NCOR2: variants seen among roughly 807,000 people sequenced by gnomAD.
NCOR2 encodes the protein CTG repeat protein 26.
In NCOR2, 81 loss-of-function variants were observed where a neutral mutation model predicts 262.9. The ratio of observed to expected loss-of-function variants is 0.31; its 90% CI spans 0.26 to 0.37. The LOEUF (loss-of-function observed/expected upper bound fraction) is 0.37. NCOR2 is among the 10% of genes least tolerant of loss of function. The pLI is 1.00. For synonymous variants in NCOR2, 1,659 were observed against 1,559.3 expected (o/e 1.06, Z -1.51); for missense variants, 3,385 against 3,621.4 (o/e 0.93, Z 1.68).
chr12:124,372,588 G>A (rs749066355), exon 20 of NCOR2: 1 of 1,598,294 alleles, frequency 6.3e-7, no homozygotes. Context: ...TGCTCTCGGT[G>A]TCTGAGCTGT....
intron 1 of NCOR2, among the ~76,000 whole-genome samples, chr12:124,552,435 G>C (rs972843746): frequency 2.0e-5 from 3 of 152,144 alleles, no homozygotes; most frequent in Non-Finnish European, 4.4e-5. Context: ...CCGTTTGCAG[G>C]TTTCTCTCTT....
intron 33 of NCOR2, 53 bp downstream of exon 35, chr12:124,342,951 TC>T: frequency 6.3e-7 from 1 of 1,579,774 alleles, no homozygotes; most frequent in South Asian, 1.1e-5. Context: ...ACTGATGAGG[TC>T]CGTGGCCCTG....
chr12:124,498,646 A>C (rs916691096), upstream of NCOR2, among the ~76,000 whole-genome samples: 3 of 152,202 alleles, frequency 2.0e-5, no homozygotes, highest in Admixed American at 2.0e-4. Context: ...TAACCATATG[A>C]CCCACCAATT....
chr12:124,359,018 A>T (rs1280584827), intron 22 of NCOR2, among the ~76,000 whole-genome samples: 1 of 152,238 alleles, frequency 6.6e-6, no homozygotes, highest in Admixed American at 6.5e-5. Flanking sequence ...CCAGACTGCT[A>T]TGCCACATGG....
rs1339676261 is a variant in NCOR2, at chr12:124,481,329, G to C, written c.411+2267C>G. Among the ~76,000 whole-genome samples, 1 of 152,088 alleles carries C rather than the reference G, an allele frequency of 6.6e-6. No homozygotes were observed. Among genetic ancestry groups the C allele is most frequent in the African/African-American group, 2.4e-5 (1 of 41,400 alleles). The stretch of plus-strand genomic sequence containing the variant: ...GTCCCAAGCCCAGACCCAAGTGCAG[G>C]CGGCCCAAGCCCCAGGCCACAGAGA... On this transcript the variant is annotated intron_variant, in intron 3 of 46. Coordinates refer to ENST00000405201, the Ensembl canonical transcript of NCOR2. The surrounding 1 kb of genome is among the most constrained non-coding windows in gnomAD (Gnocchi z 4.6).
chr12:124,371,904 C>T lies in NCOR2; in HGVS notation c.2807+118G>A, dbSNP rs886968756. 7.6e-6 allele frequency: 8 copies of T among 1,057,324 alleles called. No homozygotes were observed. The Admixed American group carries it at 8.9e-5, about 12-fold the overall frequency. The allele number at this position is 1,057,324 out of a possible 1,614,324, so 65.5% of individuals were successfully genotyped here. On this transcript the variant is annotated intron_variant, in intron 20 of 46. Transcript: ENST00000405201. ...TACTCCAAGTCTGCCTCCCTAACCA[C>T]ACCTCGGGCTCCCCCAAAGCAGGCA... is the stretch of plus-strand genomic sequence containing the variant.
chr12:124,414,041 C>T (rs1482490519), intron 13 of NCOR2, among the ~76,000 whole-genome samples: 1 of 152,192 alleles, frequency 6.6e-6, no homozygotes, highest in East Asian at 1.9e-4. Flanking sequence ...GACATGGAGC[C>T]TCATCATGAG....
At chr12:124,364,433 G>C (rs2038858841) in intron 20 of NCOR2, among the ~76,000 whole-genome samples, 2 of 152,246 alleles carry the variant, frequency 1.3e-5, no homozygotes, top group Non-Finnish European at 1.5e-5. Flanking sequence ...CGAAGGACGA[G>C]GACATGATAA....
intron 7 of NCOR2, among the ~76,000 whole-genome samples, chr12:124,439,250 G>GAT (rs2044645946): frequency 6.6e-6 from 1 of 150,936 alleles, no homozygotes; most frequent in African/African-American, 2.4e-5. Context: ...CAGAGACCCA[G>GAT]AGAGAGAGAG....
chr12:124,370,054 ACT>A (rs1331487891), intron 20 of NCOR2, among the ~76,000 whole-genome samples: 1 of 152,016 alleles, frequency 6.6e-6, no homozygotes, highest in Non-Finnish European at 1.5e-5. Flanking sequence ...TGTTTCTATG[ACT>A]CTGTCCCCAC....
At chr12:124,325,232 G>T in exon 47 of NCOR2, 2 of 437,058 alleles carry the variant, frequency 4.6e-6, no homozygotes. Flanking sequence ...CTTAGTTAAG[G>T]CTTTAGACAG....
intron 1 of NCOR2, among the ~76,000 whole-genome samples, chr12:124,520,776 G>A (rs565200919): frequency 1.6e-4 from 24 of 152,178 alleles, no homozygotes; most frequent in African/African-American, 4.3e-4. Context: ...GCAAGCCTTC[G>A]ACGGCGACCA....
chr12:124,400,537 C>T (rs1261620947), exon 15 of NCOR2: 8 of 1,614,182 alleles, frequency 5.0e-6, no homozygotes, highest in Non-Finnish European at 6.8e-6. Flanking sequence ...ATGGCCTCCT[C>T]GCTGTTGGCC....
intron 1 of NCOR2, among the ~76,000 whole-genome samples, chr12:124,522,448 T>C (rs1298969582): frequency 6.6e-6 from 1 of 152,146 alleles, no homozygotes. Context: ...TGTCTTCCAG[T>C]TCCCAGTGGC....
At chr12:124,465,663 A>G (rs1452368896) in intron 5 of NCOR2, among the ~76,000 whole-genome samples, 1 of 152,030 alleles carries the variant, frequency 6.6e-6, no homozygotes, top group Non-Finnish European at 1.5e-5. Context: ...TCCAGGTCCA[A>G]TGCTTCCTAG....
At chr12:124,368,864 C>T (rs527845946) in intron 20 of NCOR2, among the ~76,000 whole-genome samples, 1 of 152,266 alleles carries the variant, frequency 6.6e-6, no homozygotes, top group Admixed American at 6.5e-5. Flanking sequence ...CAGTTTCCAG[C>T]GCCCCCGGCG....
At chr12:124,480,682 G>A (rs931699616) in intron 3 of NCOR2, among the ~76,000 whole-genome samples, 2 of 152,046 alleles carry the variant, frequency 1.3e-5, no homozygotes, top group South Asian at 2.1e-4. Flanking sequence ...GGACACACAC[G>A]TGGGAGGTGT....
chr12:124,428,124 C>A (rs1293378447), intron 10 of NCOR2, among the ~76,000 whole-genome samples: 1 of 134,038 alleles, frequency 7.5e-6, no homozygotes, highest in Non-Finnish European at 1.6e-5. Context: ...ACACCCTTGG[C>A]CATCAGGTGA....
chr12:124,413,486 C>A (rs1015318719), intron 13 of NCOR2, among the ~76,000 whole-genome samples: 1 of 152,130 alleles, frequency 6.6e-6, no homozygotes, highest in African/African-American at 2.4e-5. Flanking sequence ...GTCTGTGGGG[C>A]GAGCAAGCTT....
Sources: allele counts gnomAD v4.1 joint callset (sites outside exome capture counted in the v4.1 genomes callset), GRCh38; gene constraint gnomAD v4.1.1; non-coding constraint Gnocchi (gnomAD v3.1); transcripts MANE v1.5; gene names NCBI Gene and HGNC (gene_info 2026-07-23, HGNC 2026-07-21).